The following CBFA2T3 variants were observed in gnomAD, a reference collection of about 807,000 sequenced individuals.
CBFA2T3 encodes transcriptional corepressor CBFA2T3.
CBFA2T3 carries 31 observed loss-of-function variants against 58.6 expected under a neutral mutation model. The observed-to-expected ratio is 0.53, with a 90% CI of 0.40 to 0.71. The LOEUF (loss-of-function observed/expected upper bound fraction) is 0.71, where lower values mean the gene tolerates loss of function less well. Among genes scored for constraint, CBFA2T3 ranks in the 30% least tolerant of loss-of-function variants. CBFA2T3 has a pLI of 0.00. For synonymous variants in CBFA2T3, 531 were observed against 421.9 expected (o/e 1.26, Z -3.17); for missense variants, 1,076 against 963.1 (o/e 1.12, Z -1.55).
chr16:88,915,404 G>A (rs1238780860), intron 1 of CBFA2T3, among the ~76,000 whole-genome samples: 4 of 67,248 alleles, frequency 5.9e-5, no homozygotes, highest in Non-Finnish European at 1.2e-4. Context: ...AGGGGGGAGC[G>A]TGGAGGGGGG....
Position 88,885,049 on chromosome 16 carries a change from G to A in CBFA2T3, c.1114C>T (p.Leu372Phe), listed in dbSNP as rs1356520680. The part of the protein sequence containing the change: ...PRELRERHRP[L>F]VVPGSRQEEV... ...CCCGCCCCACCGGGCTGCTCACCAA[G>A]CGGCCGATGGCGCTCTCGTAGCTCC... Residue 372 changes from leucine (L) to phenylalanine (F), a missense_variant, in exon 7 of 12, where the codon CTT becomes TTT. Transcript: ENST00000268679. This position sits in a 1 kb window ranked among gnomAD's most constrained non-coding sequence, Gnocchi z 5.3. 3 of 1,595,470 alleles carry A rather than the reference G, an allele frequency of 1.9e-6. No homozygotes were observed. Among genetic ancestry groups the A allele is most frequent in the Non-Finnish European group, 2.6e-6 (3 of 1,174,994 alleles).
chr16:88,901,473 G>A lies in CBFA2T3; in HGVS notation c.304+31C>T, dbSNP rs186068734. The A allele has an allele frequency of 1.6e-4, 209 of 1,316,994 alleles. No individual in the cohort carries two copies. In the African/African-American group the frequency reaches 3.0e-3, roughly 19 times the overall value. The allele number at this position is 1,316,994 out of a possible 1,614,324, so 81.6% of individuals were successfully genotyped here. On this transcript the variant is annotated intron_variant, in intron 2 of 11. Transcript: ENST00000268679. ...CACAAGGGCCTCCCCTGAAACACCT[G>A]GCCCTCGGCTGCCAGGTGGGGGCTA...
intron 1 of CBFA2T3, among the ~76,000 whole-genome samples, chr16:88,941,459 C>G (rs1971728442): frequency 6.8e-6 from 1 of 147,944 alleles, no homozygotes; most frequent in Non-Finnish European, 1.5e-5. Context: ...CAGCTCCGCC[C>G]CGGGGCGCCG....
intron 1 of CBFA2T3, among the ~76,000 whole-genome samples, chr16:88,904,196 C>T (rs1429106857): frequency 3.3e-5 from 5 of 152,176 alleles, no homozygotes; most frequent in Non-Finnish European, 5.9e-5. Context: ...CAGTCGGGGA[C>T]TTCATGTGGT....
intron 2 of CBFA2T3, among the ~76,000 whole-genome samples, chr16:88,900,959 C>T (rs572528301): frequency 2.4e-4 from 37 of 152,360 alleles, no homozygotes; most frequent in African/African-American, 8.4e-4. Flanking sequence ...GTGCCAAGGC[C>T]CCCACCCTGG....
intron 1 of CBFA2T3, among the ~76,000 whole-genome samples, chr16:88,961,634 C>G (rs1444171730): frequency 1.8e-5 from 2 of 109,072 alleles, no homozygotes; most frequent in African/African-American, 3.8e-5. Flanking sequence ...CATTCCCACT[C>G]CATAGTAACC....
chr16:88,893,433 G>A (rs1019914034), intron 3 of CBFA2T3, among the ~76,000 whole-genome samples: 2 of 152,188 alleles, frequency 1.3e-5, no homozygotes, highest in East Asian at 1.9e-4. Flanking sequence ...CCAGCCATGA[G>A]CAATGTCCCA....
At chr16:88,897,943 A>G in intron 3 of CBFA2T3, 135 bp downstream of exon 3, 1 of 699,356 alleles carries the variant, frequency 1.4e-6, no homozygotes, top group East Asian at 2.6e-5. Flanking sequence ...CAAGACCAAC[A>G]CAACAGAGGC....
rs1968773089 is a variant in CBFA2T3, at chr16:88,874,914, T to C, written c.*2062A>G. On this transcript the variant is annotated 3_prime_UTR_variant, in exon 12 of 12. Coordinates refer to ENST00000268679, the MANE Select transcript of CBFA2T3 (RefSeq NM_005187.6). ...TCGTTTATTACCATCATGAATATCA[T>C]TTGGACCTCTGCAAAGACTATATAC... is the stretch of plus-strand genomic sequence containing the variant. The C allele has an allele frequency of 4.3e-6, 1 of 232,182 alleles. No homozygotes were observed. The highest frequency in any genetic ancestry group is 1.8e-4 in the South Asian group (1 of 5,534). 14.4% of individuals were successfully genotyped at this position (232,182 alleles called of 1,614,324 possible).
intron 5 of CBFA2T3, among the ~76,000 whole-genome samples, chr16:88,890,203 G>A (rs575342557): frequency 1.6e-4 from 25 of 152,294 alleles, no homozygotes; most frequent in African/African-American, 4.6e-4. Context: ...CCCTGAGCCC[G>A]GGAGTGAGGC....
At chr16:88,881,678 G>A (rs751936699) in intron 8 of CBFA2T3, 189 bp from the exon 9 acceptor site, 17 of 577,964 alleles carry the variant, frequency 2.9e-5, no homozygotes, top group African/African-American at 1.5e-4. Context: ...TGGGACTGCC[G>A]AGCGCCTGGG....
chr16:88,898,373 A>C lies in CBFA2T3; in HGVS notation c.305-221T>G, dbSNP rs112222024. ...TGGGCAGGAGACTCTGCCCTCAGGG[A>C]CGCCCGGGCCGCCGTTTCCTGCTTC... On this transcript the variant is annotated intron_variant, in intron 2 of 11. Transcript: ENST00000268679. Among the ~76,000 whole-genome samples the C allele has an allele frequency of 5.2e-3, 780 of 150,144 alleles. 6 individuals are homozygous for C. The highest frequency in any genetic ancestry group is 0.018 in the African/African-American group (715 of 40,680).
Position 88,953,762 on chromosome 16 carries a change from G to C in CBFA2T3, c.151+22895C>G, listed in dbSNP as rs1972139553. Among the ~76,000 whole-genome samples the C allele has an allele frequency of 6.6e-6, 1 of 152,128 alleles. No homozygotes were observed. The highest frequency in any genetic ancestry group is 2.4e-5 in the African/African-American group (1 of 41,418). The stretch of plus-strand genomic sequence containing the variant: ...TACTCCCGGGAAAATAAACATTTGG[G>C]TTTATTTCGCTGTGACTGCACCCCC... On this transcript the variant is annotated intron_variant, in intron 1 of 11. Transcript: ENST00000268679. The surrounding 1 kb of genome is among the most constrained non-coding windows in gnomAD (Gnocchi z 4.9).
At chr16:88,903,203 G>T (rs1460673694) in intron 1 of CBFA2T3, among the ~76,000 whole-genome samples, 1 of 152,262 alleles carries the variant, frequency 6.6e-6, no homozygotes, top group Non-Finnish European at 1.5e-5. Context: ...CTTCTACAGC[G>T]ATCACATGCC....
At chr16:88,890,937 C>T (rs548805924) in intron 5 of CBFA2T3, among the ~76,000 whole-genome samples, 35 of 152,300 alleles carry the variant, frequency 2.3e-4, no homozygotes, top group African/African-American at 8.4e-4. Context: ...TGGTCTTGAA[C>T]TCCTGGCCTC....
rs917240695 is a variant in CBFA2T3 at position 88,973,738 on chromosome 16, C to G, written c.151+2919G>C. Among the ~76,000 whole-genome samples, 4 of 152,192 alleles carry G rather than the reference C, an allele frequency of 2.6e-5. No individual in the cohort carries two copies. The East Asian group carries it at 7.7e-4, about 29-fold the overall frequency. On this transcript the variant is annotated intron_variant, in intron 1 of 11. Transcript: ENST00000268679. Reference sequence around the variant, plus strand: ...AGAGTGAGTGGTGGCAAAGCCCAGCCCCAAGGGCAAGGTCGGGTAGAGGGA... The same window carrying G: ...AGAGTGAGTGGTGGCAAAGCCCAGCGCCAAGGGCAAGGTCGGGTAGAGGGA...
At position 88,879,300 on chromosome 16, in the gene CBFA2T3, C is replaced by G. The variant is rs764032359; in HGVS notation, c.1632G>C (p.Thr544=). The change falls in exon 11 of 12, where the codon ACG becomes ACC. Residue 544 remains threonine (T), a synonymous_variant. Coordinates refer to ENST00000268679, the MANE Select transcript of CBFA2T3 (RefSeq NM_005187.6). Reference sequence around the variant, plus strand: ...TGGAGTCCTCCTGCTGGTTGATGACCGTCAGGGCGTCCTCGGAGGCCTGCC... The same window carrying G: ...TGGAGTCCTCCTGCTGGTTGATGACGGTCAGGGCGTCCTCGGAGGCCTGCC... ...AKRQASEDAL[T]VINQQEDSSE... 5 of 1,606,644 alleles carry G rather than the reference C, an allele frequency of 3.1e-6. No individual in the cohort carries two copies. The highest frequency in any genetic ancestry group is 2.2e-5 in the South Asian group (2 of 90,906).
intron 1 of CBFA2T3, among the ~76,000 whole-genome samples, chr16:88,944,189 T>G (rs1043764500): frequency 4.0e-5 from 6 of 151,578 alleles, no homozygotes; most frequent in African/African-American, 1.5e-4. Context: ...TACAAAAAAT[T>G]AGCCGGGCGT....
intron 1 of CBFA2T3, among the ~76,000 whole-genome samples, chr16:88,932,185 ACACGGCC>A (rs1971332529): frequency 2.2e-5 from 1 of 46,226 alleles, no homozygotes; most frequent in African/African-American, 1.0e-4. Context: ...CTTCCCCCTC[ACACGGCC>A]CCCGCTTCCC....
Sources: allele counts gnomAD v4.1 joint callset (sites outside exome capture counted in the v4.1 genomes callset), GRCh38; gene constraint gnomAD v4.1.1; non-coding constraint Gnocchi (gnomAD v3.1); transcripts MANE v1.5; gene names NCBI Gene and HGNC (gene_info 2026-07-23, HGNC 2026-07-21).